The following FRMPD4 variants were observed in gnomAD, a reference collection of about 807,000 sequenced individuals.
FRMPD4 encodes FERM and PDZ domain-containing protein 4.
A neutral mutation model predicts 94.1 loss-of-function variants in FRMPD4; 22 were observed. That is an observed-to-expected ratio of 0.23 (90% CI 0.17 to 0.33). The LOEUF is 0.33. FRMPD4 is among the 10% of genes least tolerant of loss of function. FRMPD4 has a pLI of 1.00. For missense variants in FRMPD4, 1,111 were observed against 1,339.9 expected (o/e 0.83, Z 2.67); for synonymous variants, 631 against 548.6 (o/e 1.15, Z -2.10).
At chrX:11,872,009 G>A (rs1025667221) in intron 2 of FRMPD4, among the ~76,000 whole-genome samples, 3 of 112,023 alleles carry the variant, frequency 2.7e-5, no homozygotes, top group Non-Finnish European at 3.8e-5. Flanking sequence ...AACATTGAAT[G>A]AATGATAGGA....
At chrX:12,463,684 TTTTTTTTGTTTTTG>T (rs1350999924) in intron 1 of FRMPD4, among the ~76,000 whole-genome samples, 1 of 88,798 alleles carries the variant, frequency 1.1e-5, no homozygotes, top group Non-Finnish European at 2.1e-5. Context: ...TGTGTGTGTT[TTTTTTTTGTTTTTG>T]TTTTTTTTTT....
At chrX:12,302,183 G>A (rs2054871323) in intron 1 of FRMPD4, among the ~76,000 whole-genome samples, 1 of 111,522 alleles carries the variant, frequency 9.0e-6, no homozygotes, top group South Asian at 3.8e-4. Context: ...ATTTGCGAGG[G>A]GTCACCCTGC....
intron 3 of FRMPD4, among the ~76,000 whole-genome samples, chrX:11,926,474 A>G (rs940385889): frequency 3.6e-5 from 4 of 111,611 alleles, no homozygotes; most frequent in South Asian, 3.8e-4. Context: ...CTTCAGGCCA[A>G]TATTCTCAAT....
At chrX:11,846,541 A>C (rs1456023611) in intron 1 of FRMPD4, among the ~76,000 whole-genome samples, 1 of 109,225 alleles carries the variant, frequency 9.2e-6, no homozygotes, top group Non-Finnish European at 1.9e-5. Context: ...TTTAAAGTTC[A>C]TATGGAACCA....
At chrX:12,132,696 A>T (rs2055562781) in intron 3 of FRMPD4, among the ~76,000 whole-genome samples, 1 of 111,203 alleles carries the variant, frequency 9.0e-6, no homozygotes, top group African/African-American at 3.3e-5. Context: ...CATGTGAAGA[A>T]AATGTTTCAA....
intron 1 of FRMPD4, among the ~76,000 whole-genome samples, chrX:12,165,453 C>T (rs1182270642): frequency 3.6e-5 from 4 of 111,478 alleles, no homozygotes; most frequent in African/African-American, 1.3e-4. Flanking sequence ...GTTACTGTAG[C>T]CTTGTAGTAT....
intron 3 of FRMPD4, among the ~76,000 whole-genome samples, chrX:11,883,029 G>A (rs1449817777): frequency 9.0e-6 from 1 of 111,534 alleles, no homozygotes; most frequent in East Asian, 2.8e-4. Context: ...TCTTTATTGA[G>A]CGCCTGCTCT....
chrX:12,073,942 G>A (rs1272244325), intron 3 of FRMPD4, among the ~76,000 whole-genome samples: 2 of 111,468 alleles, frequency 1.8e-5, no homozygotes, highest in Non-Finnish European at 3.8e-5. Flanking sequence ...ACTTAGTGGA[G>A]AATATTCCAT....
chrX:12,611,609 G>A (rs571090078), intron 3 of FRMPD4, among the ~76,000 whole-genome samples: 1 of 112,379 alleles, frequency 8.9e-6, no homozygotes, highest in African/African-American at 3.2e-5. Context: ...GGCCAGTTGA[G>A]TGTCTCAATT....
At chrX:12,097,030 C>T (rs938269680) in intron 3 of FRMPD4, among the ~76,000 whole-genome samples, 9 of 112,294 alleles carry the variant, frequency 8.0e-5, no homozygotes, top group African/African-American at 2.9e-4. Context: ...AGTGTGAACA[C>T]ATTAAATGCA....
intron 1 of FRMPD4, among the ~76,000 whole-genome samples, chrX:12,188,600 T>C (rs374313896): frequency 1.8e-5 from 2 of 112,030 alleles, no homozygotes; most frequent in African/African-American, 6.5e-5. Context: ...AGAATTTCGA[T>C]ACGAAACCTA....
intron 14 of FRMPD4, among the ~76,000 whole-genome samples, chrX:12,711,340 G>A (rs1055048749): frequency 2.7e-5 from 3 of 111,517 alleles, no homozygotes; most frequent in Non-Finnish European, 5.6e-5. Context: ...CCTAGCACTC[G>A]GACTTGGGAA....
intron 1 of FRMPD4, among the ~76,000 whole-genome samples, chrX:12,434,299 T>G (rs1021822018): frequency 8.9e-6 from 1 of 112,113 alleles, no homozygotes; most frequent in Non-Finnish European, 1.9e-5. Flanking sequence ...CCTAAGTTAA[T>G]GTAAAGGGTT....
At chrX:12,204,827 A>C (rs774308802) in intron 1 of FRMPD4, among the ~76,000 whole-genome samples, 1 of 111,142 alleles carries the variant, frequency 9.0e-6, no homozygotes, top group African/African-American at 3.3e-5. Context: ...GAAATCTGCT[A>C]TTCTCCCCAG....
chrX:12,442,579 A>G (rs2057150205), intron 1 of FRMPD4, among the ~76,000 whole-genome samples: 1 of 112,013 alleles, frequency 8.9e-6, no homozygotes, highest in South Asian at 3.7e-4. Context: ...AGAAAATTAC[A>G]AATGTTGATG....
intron 1 of FRMPD4, among the ~76,000 whole-genome samples, chrX:12,160,068 G>GGTGT (rs757966489): frequency 0.26 from 26,418 of 99,698 alleles, 2,890 homozygotes; most frequent in Non-Finnish European, 0.33. Flanking sequence ...GATGTTGAGG[G>GGTGT]GTGTGTGTGT....
chrX:11,978,321 CAAA>C (rs1172824155), intron 3 of FRMPD4, among the ~76,000 whole-genome samples: 201 of 16,309 alleles, frequency 0.012, no homozygotes, highest in African/African-American at 0.043. Flanking sequence ...AACTCCATCT[CAAA>C]AAAAAAAAAA....
Position 12,652,208 on chromosome X carries a change from C to T in FRMPD4, c.423-22655C>T, listed in dbSNP as rs1224939277. Among the ~76,000 whole-genome samples, 7 of 112,191 alleles carry T rather than the reference C, an allele frequency of 6.2e-5. No individual in the cohort carries two copies. In the South Asian group the frequency reaches 2.6e-3, roughly 42 times the overall value. On this transcript the variant is annotated intron_variant, in intron 4 of 16. Transcript: ENST00000675598. The stretch of plus-strand genomic sequence containing the variant: ...TGTTGAATCCTCCCCGTCTTCTTCT[C>T]TTACTCATTTACAGTGTTACATGAA...
intron 1 of FRMPD4, among the ~76,000 whole-genome samples, chrX:12,414,809 CAGAG>C (rs1256780740): frequency 8.9e-6 from 1 of 111,970 alleles, no homozygotes; most frequent in African/African-American, 3.2e-5. Flanking sequence ...CCCCCAACTA[CAGAG>C]AGAGATTAAG....
Sources: allele counts gnomAD v4.1 joint callset (sites outside exome capture counted in the v4.1 genomes callset), GRCh38; gene constraint gnomAD v4.1.1; transcripts MANE v1.5; gene names NCBI Gene and HGNC (gene_info 2026-07-23, HGNC 2026-07-21).